LGI2: variants seen among roughly 807,000 people sequenced by gnomAD.
LGI2 encodes the protein leucine-rich repeat LGI family member 2.
In LGI2, 30 loss-of-function variants were observed where a neutral mutation model predicts 52.0. The observed-to-expected ratio is 0.58, with a 90% confidence interval of 0.43 to 0.78. The LOEUF (loss-of-function observed/expected upper bound fraction) is 0.78. Among genes scored for constraint, LGI2 ranks in the 30% least tolerant of loss-of-function variants. The pLI, the probability that LGI2 is intolerant of heterozygous loss-of-function variation, is 0.00. For missense variants in LGI2, 573 were observed against 692.5 expected, an observed-to-expected ratio of 0.83 and a Z score of 1.94; for synonymous variants, 270 against 271.8, an observed-to-expected ratio of 0.99 and a Z score of 0.06.
chr4:25,013,900 G>A (rs528281263), intron 6 of LGI2, among the ~76,000 whole-genome samples: 1 of 152,274 alleles, frequency 6.6e-6, no homozygotes, highest in East Asian at 1.9e-4. Context: ...CACTAGCAGT[G>A]CCAACAGTGT....
At position 25,026,851 on chromosome 4, in the gene LGI2, C is replaced by A. The variant is rs1726166482; in HGVS notation, c.341+17G>T. 3.8e-6 allele frequency: 6 copies of A among 1,594,744 alleles called. No individual in the cohort carries two copies. The highest frequency in any genetic ancestry group is 1.7e-5 in the Admixed American group (1 of 59,974). On this transcript the variant is annotated intron_variant, in intron 3 of 7. Coordinates refer to ENST00000382114, the MANE Select transcript of LGI2 (RefSeq NM_018176.4). The stretch of plus-strand genomic sequence containing the variant: ...AGATACCGAATGTTCAGCAAATAGA[C>A]AAAGCACAAAACTTACAGGTATTCA...
the LGI2 span, among the ~76,000 whole-genome samples, chr4:24,992,813 C>A: frequency 6.6e-6 from 1 of 152,174 alleles, no homozygotes; most frequent in Non-Finnish European, 1.5e-5. Flanking sequence ...CACCCCACTG[C>A]CACATCCACA....
Position 25,003,668 on chromosome 4 carries a change from TC to T in LGI2, c.1420del (p.Asp474IlefsTer66). On this transcript the variant is annotated frameshift_variant, in exon 8 of 8. Transcript: ENST00000382114. LOFTEE classifies it high-confidence loss of function. ...AMTLQPFSFK[D>X]NHYLALGSDY... ...ACTCCCCAGGGCCAGGTAGTGATTA[TC>T]TTTAAAAGAAAAGGGCTGCAGGGTC... 1 of 1,614,216 alleles carries T rather than the reference TC, an allele frequency of 6.2e-7. No individual in the cohort carries two copies. Among genetic ancestry groups the T allele is most frequent in the Non-Finnish European group, 8.5e-7 (1 of 1,180,034 alleles).
chr4:25,009,693 T>C (rs1460399055), intron 7 of LGI2, among the ~76,000 whole-genome samples: 6 of 152,122 alleles, frequency 3.9e-5, no homozygotes, highest in Non-Finnish European at 7.3e-5. Context: ...TGGAGTGCAG[T>C]GGCACGATCT....
rs533675009 is a variant in LGI2, at chr4:25,015,872, T to TC, written c.655+2116dup. On this transcript the variant is annotated intron_variant, in intron 6 of 7. Transcript: ENST00000382114. ...TCACAACTTTGTTGTACCATTTTTT[T>TC]CCCGATGGAAGAAACTGTCAGCAAG... Among the ~76,000 whole-genome samples, 37 of 152,270 alleles carry TC rather than the reference T, an allele frequency of 2.4e-4. 1 individual carries two copies. The highest frequency in any genetic ancestry group is 8.4e-4 in the African/African-American group (35 of 41,554).
intron 5 of LGI2, among the ~76,000 whole-genome samples, chr4:25,018,428 G>A (rs1164971909): frequency 1.3e-5 from 2 of 152,126 alleles, no homozygotes; most frequent in East Asian, 3.9e-4. Context: ...CTCTCCAAAT[G>A]CTCTCGTCTC....
chr4:25,022,462 G>A (rs975909992), intron 4 of LGI2, among the ~76,000 whole-genome samples: 6 of 152,124 alleles, frequency 3.9e-5, no homozygotes, highest in African/African-American at 1.2e-4. Context: ...AGGCTTGACC[G>A]CGGGGTGGTC....
chr4:25,024,331 T>C lies in LGI2; in HGVS notation c.413+489A>G, dbSNP rs117463572. ...GAGTTCGAGACCAGCCTGGCCAACA[T>C]AGTGAGGCCCCGTCTCTACTAAAAA... On this transcript the variant is annotated intron_variant, in intron 4 of 7. Coordinates refer to ENST00000382114, the MANE Select transcript of LGI2 (RefSeq NM_018176.4). 2.0e-5 allele frequency among the ~76,000 whole-genome samples: 3 copies of C among 152,250 alleles called. No homozygotes were observed. In the South Asian group the frequency reaches 6.2e-4, roughly 32 times the overall value.
At chr4:25,025,737 A>G (rs754321278) in intron 3 of LGI2, among the ~76,000 whole-genome samples, 24 of 152,250 alleles carry the variant, frequency 1.6e-4, no homozygotes, top group Admixed American at 3.9e-4. Flanking sequence ...CAACATCATC[A>G]ACGAATTAGT....
intron 1 of LGI2, 49 bp from the exon 2 acceptor site, chr4:25,028,627 T>G: frequency 6.6e-7 from 1 of 1,523,686 alleles, no homozygotes; most frequent in Middle Eastern, 1.7e-4. Flanking sequence ...TTTTAGGAAG[T>G]GCCATGCAGG....
chr4:25,030,455 G>A, intron 1 of LGI2, 42 bp downstream of exon 1: 1 of 1,551,872 alleles, frequency 6.4e-7, no homozygotes, highest in African/African-American at 1.4e-5. Context: ...GCGGACGCAG[G>A]GTGGGGCGGG....
chr4:25,021,896 A>T (rs377395506), intron 4 of LGI2, among the ~76,000 whole-genome samples: 1 of 143,566 alleles, frequency 7.0e-6, no homozygotes, highest in East Asian at 2.1e-4. Flanking sequence ...GCACCACTGC[A>T]CTCCAGCCTA....
chr4:25,014,338 CTGTCGTG>C (rs1452931395), intron 6 of LGI2, among the ~76,000 whole-genome samples: 1 of 152,192 alleles, frequency 6.6e-6, no homozygotes, highest in African/African-American at 2.4e-5. Context: ...CAAATCTAGC[CTGTCGTG>C]GCCCTGTTTT....
intron 7 of LGI2, among the ~76,000 whole-genome samples, chr4:25,008,496 T>C (rs1725464820): frequency 7.3e-6 from 1 of 137,860 alleles, no homozygotes; most frequent in African/African-American, 2.8e-5. Context: ...GAGGTTGCAG[T>C]GAGCTGAGAT....
intron 4 of LGI2, among the ~76,000 whole-genome samples, chr4:25,023,065 ATGT>A (rs887311602): frequency 5.0e-5 from 6 of 118,942 alleles, no homozygotes; most frequent in African/African-American, 1.8e-4. Context: ...AATTATGTTG[ATGT>A]TGATGATGAT....
intron 7 of LGI2, 113 bp downstream of exon 7, chr4:25,012,222 C>A: frequency 8.2e-7 from 1 of 1,217,278 alleles, no homozygotes; most frequent in Non-Finnish European, 1.2e-6. Flanking sequence ...TTCCCCAGCT[C>A]TAACCAGGTT....
At chr4:25,025,204 C>T (rs1339884505) in intron 3 of LGI2, among the ~76,000 whole-genome samples, 1 of 152,192 alleles carries the variant, frequency 6.6e-6, no homozygotes, top group Non-Finnish European at 1.5e-5. Context: ...GCAAGAAATT[C>T]TCATATCTCT....
intron 1 of LGI2, among the ~76,000 whole-genome samples, chr4:25,030,215 T>C (rs1333427348): frequency 6.6e-6 from 1 of 152,204 alleles, no homozygotes; most frequent in Admixed American, 6.5e-5. Context: ...GGATTCTGCA[T>C]TGGCACAAGC....
intron 7 of LGI2, among the ~76,000 whole-genome samples, chr4:25,008,850 G>A (rs1725477267): frequency 1.3e-5 from 2 of 152,180 alleles, no homozygotes; most frequent in African/African-American, 4.8e-5. Flanking sequence ...AGACTGAGGG[G>A]CTGAGGAATC....
Sources: allele counts gnomAD v4.1 joint callset (sites outside exome capture counted in the v4.1 genomes callset), GRCh38; gene constraint gnomAD v4.1.1; transcripts MANE v1.5; gene names NCBI Gene and HGNC (gene_info 2026-07-23, HGNC 2026-07-21).